Variants in MAN1A1 observed in about 807,000 individuals in gnomAD.
The protein encoded by MAN1A1 is mannosidase alpha class 1A member 1.
In MAN1A1, 29 loss-of-function variants were observed where a neutral mutation model predicts 70.8. The ratio of observed to expected loss-of-function variants is 0.41; its 90% confidence interval spans 0.31 to 0.56. MAN1A1 has a LOEUF of 0.56. MAN1A1 is among the 20% of genes least tolerant of loss of function. The probability of loss-of-function intolerance (pLI) is 0.29; values close to 1 mark genes in which losing one functional copy is unlikely to be tolerated. For missense variants in MAN1A1, 747 were observed against 841.3 expected, an observed-to-expected ratio of 0.89 and a Z score of 1.39; for synonymous variants, 349 against 330.1, an observed-to-expected ratio of 1.06 and a Z score of -0.62.
At chr6:119,350,154 C>T (rs1773869579), upstream of MAN1A1, among the ~76,000 whole-genome samples, 1 of 152,172 alleles carries the variant, frequency 6.6e-6, no homozygotes, top group African/African-American at 2.4e-5. Context: ...GACCTCTCTG[C>T]CTCCTCCTCC....
intron 6 of MAN1A1, among the ~76,000 whole-genome samples, chr6:119,226,633 G>A (rs1373078686): frequency 6.6e-6 from 1 of 152,150 alleles, no homozygotes; most frequent in Non-Finnish European, 1.5e-5. Context: ...CTACCAAGAA[G>A]AATATATAAA....
At position 119,261,299 on chromosome 6, in the gene MAN1A1, G is replaced by T. The variant is rs180969985; in HGVS notation, c.898-12945C>A. Among the ~76,000 whole-genome samples the T allele has an allele frequency of 1.7e-3, 262 of 152,186 alleles. 3 individuals are homozygous for T. Among genetic ancestry groups the T allele is most frequent in the Non-Finnish European group, 3.5e-4 (24 of 68,000 alleles). On this transcript the variant is annotated intron_variant, in intron 5 of 12. Transcript: ENST00000368468. The stretch of plus-strand genomic sequence containing the variant: ...CCGCCTATTGCTTTTTAAAGCTATT[G>T]CACACACGCACATATTTCAACATAG...
chr6:119,349,502 T>G (rs4946409), intron 1 of MAN1A1, 40 bp downstream of exon 1: 103,334 of 978,402 alleles, frequency 0.11, 6,205 homozygotes, highest in East Asian at 0.32. Flanking sequence ...CAGGAAGGGG[T>G]CAGGGCAGCG....
intron 2 of MAN1A1, among the ~76,000 whole-genome samples, chr6:119,327,907 G>A (rs528844630): frequency 3.3e-5 from 5 of 152,190 alleles, no homozygotes; most frequent in Non-Finnish European, 7.3e-5. Flanking sequence ...AGAGTCGACT[G>A]ACAGCAAGGA....
intron 6 of MAN1A1, among the ~76,000 whole-genome samples, chr6:119,238,069 T>C (rs1774903945): frequency 6.6e-6 from 1 of 152,218 alleles, no homozygotes; most frequent in Non-Finnish European, 1.5e-5. Context: ...GTTATAGGAA[T>C]TGGCACTGTC....
rs1562221348 is a variant in MAN1A1 at position 119,275,322 on chromosome 6, T to TAG, written c.897+15360_897+15361insCT. 5.8e-3 allele frequency among the ~76,000 whole-genome samples: 383 copies of TAG among 65,524 alleles called. 3 individuals carry two copies. The highest frequency in any genetic ancestry group is 7.0e-3 in the African/African-American group (123 of 17,466). 43.0% of individuals were successfully genotyped at this position (65,524 alleles called of 152,430 possible). On this transcript the variant is annotated intron_variant, in intron 5 of 12. Transcript: ENST00000368468. Reference sequence around the variant, plus strand: ...TTTTTTTTTTTTTTTTTTTTTTTTTTTTGAGACGGAGTCTCGCTCTGTCGC... The same window carrying TAG: ...TTTTTTTTTTTTTTTTTTTTTTTTTTAGTTGAGACGGAGTCTCGCTCTGTCGC...
At chr6:119,201,778 CAT>C (rs1374956493) in intron 7 of MAN1A1, among the ~76,000 whole-genome samples, 2 of 152,116 alleles carry the variant, frequency 1.3e-5, no homozygotes, top group South Asian at 2.1e-4. Flanking sequence ...ACCTGTGTAG[CAT>C]ATGTTACTGT....
chr6:119,210,646 T>C lies in MAN1A1; in HGVS notation c.993-5764A>G, dbSNP rs544731076. Among the ~76,000 whole-genome samples the C allele has an allele frequency of 1.4e-4, 21 of 148,594 alleles. No homozygotes were observed. The South Asian group carries it at 2.2e-3, about 16-fold the overall frequency. On this transcript the variant is annotated intron_variant, in intron 6 of 12. Transcript: ENST00000368468. ...TAATTTATTTTTATGTTTTTGCCAC[T>C]ATAAACAATTCAGTGGTGTCTAGTT...
chr6:119,230,181 A>T (rs544176981), intron 6 of MAN1A1, among the ~76,000 whole-genome samples: 3 of 152,218 alleles, frequency 2.0e-5, no homozygotes, highest in Admixed American at 6.5e-5. Flanking sequence ...TTTTGGGAAA[A>T]GGTAAACAAA....
At chr6:119,298,673 T>C (rs1395574644) in intron 4 of MAN1A1, among the ~76,000 whole-genome samples, 1 of 151,742 alleles carries the variant, frequency 6.6e-6, no homozygotes, top group Non-Finnish European at 1.5e-5. Context: ...CTCAGCTCAC[T>C]GCAACCCCTG....
At chr6:119,278,050 G>A (rs1776126082) in intron 5 of MAN1A1, among the ~76,000 whole-genome samples, 1 of 151,576 alleles carries the variant, frequency 6.6e-6, no homozygotes, top group Non-Finnish European at 1.5e-5. Context: ...TCAGAGAGCT[G>A]AGGCAGGATT....
intron 5 of MAN1A1, among the ~76,000 whole-genome samples, chr6:119,253,957 C>G (rs902309490): frequency 6.6e-6 from 1 of 152,110 alleles, no homozygotes; most frequent in Non-Finnish European, 1.5e-5. Flanking sequence ...AAATCATACA[C>G]GAGACTGAAT....
intron 6 of MAN1A1, among the ~76,000 whole-genome samples, chr6:119,233,767 G>A (rs952147821): frequency 1.3e-5 from 2 of 152,176 alleles, no homozygotes; most frequent in African/African-American, 4.8e-5. Context: ...TTCTTGCAGA[G>A]ACTCCACAAT....
intron 11 of MAN1A1, among the ~76,000 whole-genome samples, chr6:119,185,801 G>T (rs1582676433): frequency 6.7e-6 from 1 of 149,868 alleles, no homozygotes; most frequent in Non-Finnish European, 1.5e-5. Flanking sequence ...GGATGGTCTC[G>T]ATCTCCTGAC....
At chr6:119,326,960 A>G (rs1773162344) in intron 2 of MAN1A1, among the ~76,000 whole-genome samples, 1 of 152,200 alleles carries the variant, frequency 6.6e-6, no homozygotes, top group Admixed American at 6.5e-5. Flanking sequence ...CACTGTACAC[A>G]TACATAGTAC....
At chr6:119,280,833 T>A (rs1172592474) in intron 5 of MAN1A1, among the ~76,000 whole-genome samples, 1 of 152,210 alleles carries the variant, frequency 6.6e-6, no homozygotes, top group East Asian at 1.9e-4. Flanking sequence ...TAAATCAAAA[T>A]AGAACATATT....
chr6:119,248,116 A>G (rs1181090198), intron 6 of MAN1A1, 144 bp downstream of exon 6: 7 of 600,810 alleles, frequency 1.2e-5, no homozygotes. Context: ...ATAGCTGCCA[A>G]CAAAAAGACA....
At chr6:119,282,594 A>T (rs1392782379) in intron 5 of MAN1A1, among the ~76,000 whole-genome samples, 1 of 152,258 alleles carries the variant, frequency 6.6e-6, no homozygotes, top group African/African-American at 2.4e-5. Flanking sequence ...TTACTGAATT[A>T]AACTTTTAAA....
intron 5 of MAN1A1, among the ~76,000 whole-genome samples, chr6:119,265,636 A>T (rs1345688332): frequency 6.6e-6 from 1 of 152,178 alleles, no homozygotes; most frequent in East Asian, 1.9e-4. Flanking sequence ...GAAAATAAAC[A>T]TATTGGTTTT....
Sources: allele counts gnomAD v4.1 joint callset (sites outside exome capture counted in the v4.1 genomes callset), GRCh38; gene constraint gnomAD v4.1.1; transcripts MANE v1.5; gene names NCBI Gene and HGNC (gene_info 2026-07-23, HGNC 2026-07-21).